TENT2: variants seen among roughly 807,000 people sequenced by gnomAD.
TENT2 encodes the protein terminal nucleotidyltransferase 2.
A neutral mutation model predicts 72.2 loss-of-function variants in TENT2; 44 were observed. The observed-to-expected ratio is 0.61, with a 90% CI of 0.48 to 0.78. The LOEUF (loss-of-function observed/expected upper bound fraction) is 0.78, where lower values mean the gene tolerates loss of function less well. TENT2 is among the 30% of genes least tolerant of loss of function. TENT2 has a pLI of 0.00. For synonymous variants in TENT2, 212 were observed against 192.5 expected, an observed-to-expected ratio of 1.10 and a Z score of -0.84; for missense variants, 541 against 569.6, an observed-to-expected ratio of 0.95 and a Z score of 0.51.
intron 4 of TENT2, among the ~76,000 whole-genome samples, chr5:79,628,894 G>T (rs1772721433): frequency 6.6e-6 from 1 of 152,168 alleles, no homozygotes; most frequent in Non-Finnish European, 1.5e-5. Context: ...TGGATAGGCA[G>T]GCAGTTTGGC....
At chr5:79,664,096 T>C (rs535804795) in intron 11 of TENT2, among the ~76,000 whole-genome samples, 1 of 152,164 alleles carries the variant, frequency 6.6e-6, no homozygotes, top group South Asian at 2.1e-4. Flanking sequence ...TTAAAGTATA[T>C]GAGAAGGTGT....
chr5:79,682,325 G>T lies in TENT2; in HGVS notation c.1380+264G>T, dbSNP rs183019679. On this transcript the variant is annotated intron_variant, in intron 14 of 14. Transcript: ENST00000453514. ...ACGGAGTTTCACTCTTGTTGCCCAG[G>T]CTGGAGTGTAGTGGCACAGTCTCAG... Among the ~76,000 whole-genome samples, 653 of 152,170 alleles carry T rather than the reference G, an allele frequency of 4.3e-3. 6 individuals are homozygous for T. Among genetic ancestry groups the T allele is most frequent in the African/African-American group, 0.014 (579 of 41,518 alleles).
chr5:79,664,494 C>T (rs180964250), intron 11 of TENT2, among the ~76,000 whole-genome samples: 2 of 151,614 alleles, frequency 1.3e-5, no homozygotes, highest in Admixed American at 1.3e-4. Context: ...ACTCCGGAGG[C>T]TGAGGCAGGC....
At chr5:79,643,511 G>T (rs1359268321) in intron 7 of TENT2, among the ~76,000 whole-genome samples, 2 of 152,110 alleles carry the variant, frequency 1.3e-5, no homozygotes, top group African/African-American at 4.8e-5. Flanking sequence ...ATAGAAAGTT[G>T]AAGTTACACT....
intron 11 of TENT2, among the ~76,000 whole-genome samples, chr5:79,659,204 G>A (rs151178550): frequency 9.2e-5 from 14 of 151,714 alleles, no homozygotes; most frequent in Admixed American, 2.6e-4. Context: ...TTAATGGTCC[G>A]TCTGATGGAA....
intron 12 of TENT2, among the ~76,000 whole-genome samples, chr5:79,674,198 A>G (rs1339700688): frequency 2.6e-5 from 4 of 152,198 alleles, no homozygotes; most frequent in Non-Finnish European, 5.9e-5. Flanking sequence ...CCTGACCAAC[A>G]TGGTGAAACC....
chr5:79,663,315 A>G (rs1171098726), intron 11 of TENT2, among the ~76,000 whole-genome samples: 1 of 152,206 alleles, frequency 6.6e-6, no homozygotes, highest in Admixed American at 6.5e-5. Context: ...ATATCCTTCA[A>G]GAACTTTTCC....
In TENT2 at chr5:79,615,048, G is replaced by A. The variant is rs914470641; in HGVS notation, c.-38+1973G>A. On this transcript the variant is annotated intron_variant, in intron 1 of 14. Coordinates refer to ENST00000453514, the MANE Select transcript of TENT2 (RefSeq NM_001114394.3). ...TGAGGGCCAAAATTCATACTGAGGAGAGGCTGACAGATCCTTTGTTTTGCA... is the reference window on the plus strand; with the variant it reads ...TGAGGGCCAAAATTCATACTGAGGAAAGGCTGACAGATCCTTTGTTTTGCA... 9 of 152,204 alleles carry A rather than the reference G, an allele frequency of 5.9e-5. 1 individual carries two copies. The highest frequency in any genetic ancestry group is 4.6e-4 in the Admixed American group (7 of 15,288). The allele number at this position is 152,204 out of a possible 1,614,324, so 9.4% of individuals were successfully genotyped here.
intron 11 of TENT2, among the ~76,000 whole-genome samples, chr5:79,657,987 A>C (rs1050496650): frequency 2.0e-5 from 3 of 152,218 alleles, no homozygotes; most frequent in African/African-American, 7.2e-5. Flanking sequence ...AATATAGTTT[A>C]ATATCTGATA....
chr5:79,623,493 A>G lies in TENT2; in HGVS notation c.465+4A>G. 6.4e-7 allele frequency: 1 copy of G among 1,556,604 alleles called. No individual in the cohort carries two copies. Among genetic ancestry groups the G allele is most frequent in the Non-Finnish European group, 8.7e-7 (1 of 1,145,266 alleles). On this transcript the variant is annotated splice_donor_region_variant and intron_variant, in intron 4 of 14. Transcript: ENST00000453514. Reference sequence around the variant, plus strand: ...ACTGCCTGAGGCCAAAGATAAGGTAATAATAATGTAGATTTTAGTTTTGCC... The same window carrying G: ...ACTGCCTGAGGCCAAAGATAAGGTAGTAATAATGTAGATTTTAGTTTTGCC...
At chr5:79,650,036 A>G (rs1792497743) in intron 10 of TENT2, among the ~76,000 whole-genome samples, 1 of 152,100 alleles carries the variant, frequency 6.6e-6, no homozygotes, top group South Asian at 2.1e-4. Flanking sequence ...ACATATGAAT[A>G]TGTGGTGACA....
At chr5:79,681,890 A>G (rs943373440) in intron 13 of TENT2, 92 bp from the exon 14 acceptor site, 1 of 1,032,678 alleles carries the variant, frequency 9.7e-7, no homozygotes, top group Non-Finnish European at 1.4e-6. Context: ...TAGGTTAAAA[A>G]CTGTTAACAT....
At chr5:79,623,610 A>AG in intron 4 of TENT2, 121 bp downstream of exon 4, 2 of 571,494 alleles carry the variant, frequency 3.5e-6, no homozygotes, top group South Asian at 7.1e-5. Context: ...CAATGTTTAA[A>AG]GTACTATTCA....
intron 10 of TENT2, among the ~76,000 whole-genome samples, chr5:79,651,586 G>GCA (rs140508195): frequency 1.3e-5 from 2 of 151,530 alleles, no homozygotes; most frequent in African/African-American, 2.4e-5. Context: ...TCCACTTTTG[G>GCA]CACACACACA....
chr5:79,627,639 C>T (rs918212595), intron 4 of TENT2, among the ~76,000 whole-genome samples: 2 of 152,152 alleles, frequency 1.3e-5, no homozygotes, highest in African/African-American at 4.8e-5. Flanking sequence ...GCATGTGCCA[C>T]CATGCCCTGC....
In TENT2 at chr5:79,642,867, G is replaced by T; in HGVS notation, c.708G>T (p.Arg236=). Residue 236 remains arginine, a synonymous_variant, in exon 7 of 15, where the codon CGG becomes CGT. Transcript: ENST00000453514. ...AGGTAAATCAGAAGACTGAAGCACG[G>T]CATATACTCACCTTAGTCCATAAAC... ...FFQVNQKTEA[R]HILTLVHKHF... 1 of 1,611,422 alleles carries T rather than the reference G, an allele frequency of 6.2e-7. No homozygotes were observed. Among genetic ancestry groups the T allele is most frequent in the Non-Finnish European group, 8.5e-7 (1 of 1,178,884 alleles).
Position 79,686,481 on chromosome 5 carries a change from C to T in TENT2, c.*1208C>T, listed in dbSNP as rs1826064766. The T allele has an allele frequency of 6.6e-6, 1 of 151,934 alleles. No homozygotes were observed. Among genetic ancestry groups the T allele is most frequent in the African/African-American group, 2.4e-5 (1 of 41,370 alleles). The allele number at this position is 151,934 out of a possible 1,614,324, so 9.4% of individuals were successfully genotyped here. On this transcript the variant is annotated 3_prime_UTR_variant, in exon 15 of 15. Transcript: ENST00000453514. ...AGAACTATGTCCAACATTTTTTAGA[C>T]CTGCTGTAGTACAGTTTTGTACCTC...
chr5:79,617,900 A>G (rs79692599), intron 1 of TENT2, among the ~76,000 whole-genome samples: 120 of 152,278 alleles, frequency 7.9e-4, no homozygotes, highest in African/African-American at 2.8e-3. Context: ...CTGAAACTTC[A>G]ATATAATATA....
intron 4 of TENT2, among the ~76,000 whole-genome samples, chr5:79,633,788 T>A (rs941886595): frequency 2.0e-5 from 3 of 150,878 alleles, no homozygotes; most frequent in Middle Eastern, 3.4e-3. Flanking sequence ...GGTGGTGAAC[T>A]GCTGAGTATA....
Sources: gnomAD v4.1 joint callset for allele counts (sites outside exome capture counted in the v4.1 genomes callset) on GRCh38, gnomAD v4.1.1 for gene constraint, MANE v1.5 for transcripts, NCBI Gene and HGNC (gene_info 2026-07-23, HGNC 2026-07-21) for gene names.